Variants in AEBP2 observed in about 807,000 individuals in gnomAD.
AEBP2 encodes zinc finger protein AEBP2.
A neutral mutation model predicts 50.8 loss-of-function variants in AEBP2; 10 were observed. The observed-to-expected ratio is 0.20, with a 90% CI of 0.12 to 0.33. The LOEUF (loss-of-function observed/expected upper bound fraction) is 0.33, where lower values mean the gene tolerates loss of function less well. Ranked by LOEUF, AEBP2 falls within the 10% of genes least tolerant of loss-of-function variation. The pLI, the probability that AEBP2 is intolerant of heterozygous loss-of-function variation, is 1.00. For synonymous variants in AEBP2, 296 were observed against 261.3 expected (o/e 1.13, Z -1.28); for missense variants, 570 against 688.0 (o/e 0.83, Z 1.92).
At chr12:19,502,239 A>G (rs1949092921) in intron 5 of AEBP2, among the ~76,000 whole-genome samples, 1 of 152,012 alleles carries the variant, frequency 6.6e-6, no homozygotes, top group Admixed American at 6.6e-5. Flanking sequence ...GGTTCAAGCG[A>G]TCCCCCTCCC....
chr12:19,519,009 A>AT lies in AEBP2; in HGVS notation c.*900dup, dbSNP rs921882731. Reference sequence around the variant, plus strand: ...TTTTTCTTAATGTAAGAAAAATTGTATTTTTTTTACAAGTATCTTCAAACT... The same window carrying AT: ...TTTTTCTTAATGTAAGAAAAATTGTATTTTTTTTTACAAGTATCTTCAAACT... On this transcript the variant is annotated 3_prime_UTR_variant, in exon 8 of 8. Coordinates refer to ENST00000266508, the MANE Select transcript of AEBP2 (RefSeq NM_153207.5). 1.4e-4 allele frequency: 28 copies of AT among 196,454 alleles called. No homozygotes were observed. The highest frequency in any genetic ancestry group is 9.5e-4 in the South Asian group (5 of 5,248). 12.2% of individuals were successfully genotyped at this position (196,454 alleles called of 1,614,324 possible). A position where few individuals can be genotyped will look rare whatever the true frequency, so the allele number is the denominator to read the frequency against.
At chr12:19,473,405 A>G in intron 3 of AEBP2, 50 bp downstream of exon 3, 1 of 696,250 alleles carries the variant, frequency 1.4e-6, no homozygotes, top group Non-Finnish European at 1.9e-6. Context: ...TTATTTATTT[A>G]TTTATTTATT....
At chr12:19,455,491 T>A (rs1422924837) in intron 1 of AEBP2, among the ~76,000 whole-genome samples, 1 of 152,188 alleles carries the variant, frequency 6.6e-6, no homozygotes, top group Non-Finnish European at 1.5e-5. Context: ...TATTGCTTCC[T>A]ATGCTCATGC....
At chr12:19,495,878 T>C (rs1321005263) in intron 4 of AEBP2, among the ~76,000 whole-genome samples, 1 of 152,206 alleles carries the variant, frequency 6.6e-6, no homozygotes, top group Non-Finnish European at 1.5e-5. Context: ...TCATGTTTAA[T>C]TTTAATCAAC....
chr12:19,439,103 T>TA (rs1947892908), upstream of AEBP2, among the ~76,000 whole-genome samples: 1 of 152,212 alleles, frequency 6.6e-6, no homozygotes, highest in Admixed American at 6.5e-5. Context: ...GTGTTGCGCA[T>TA]AAAAATTTAG....
intron 1 of AEBP2, among the ~76,000 whole-genome samples, chr12:19,442,416 A>AC (rs1462849488): frequency 6.6e-6 from 1 of 152,136 alleles, no homozygotes; most frequent in Non-Finnish European, 1.5e-5. Context: ...TCAAAAAAAA[A>AC]CCAAGTGATA....
intron 1 of AEBP2, among the ~76,000 whole-genome samples, chr12:19,429,863 C>G (rs1190308200): frequency 2.6e-5 from 4 of 151,302 alleles, no homozygotes; most frequent in East Asian, 1.9e-4. Context: ...GTTCATTGTA[C>G]ATTCTGAATA....
chr12:19,516,610 T>C (rs531471120), intron 7 of AEBP2, among the ~76,000 whole-genome samples: 1 of 152,358 alleles, frequency 6.6e-6, no homozygotes, highest in Admixed American at 6.5e-5. Context: ...AGGAACAATG[T>C]TGCATATACT....
Position 19,514,903 on chromosome 12 carries a change from A to T in AEBP2, c.1481+119A>T, listed in dbSNP as rs75735016. On this transcript the variant is annotated intron_variant, in intron 7 of 7. Transcript: ENST00000266508. ...ATTTTAATACCAAGCATATCTCATT[A>T]CTTCCTGGCTTTTTTTTTTTTGGAT... 446 of 699,324 alleles carry T rather than the reference A, an allele frequency of 6.4e-4. 1 individual carries two copies. The highest frequency in any genetic ancestry group is 3.4e-3 in the East Asian group (116 of 34,070). The allele number at this position is 699,324 out of a possible 1,614,324, so 43.3% of individuals were successfully genotyped here.
intron 3 of AEBP2, among the ~76,000 whole-genome samples, chr12:19,481,977 G>T (rs371228257): frequency 6.6e-6 from 1 of 152,130 alleles, no homozygotes. Flanking sequence ...TGGAAATTCA[G>T]AAATTTATTC....
chr12:19,512,421 T>C lies in AEBP2; in HGVS notation c.1323T>C (p.Asp441=), dbSNP rs1237341886. Residue 441 remains aspartate (D), a synonymous_variant, in exon 6 of 8, where the codon GAT becomes GAC. Transcript: ENST00000266508. ...AGGTAATAGCTAAGAGAAAAGAAGA[T>C]TCTGGGAAGATCAAACTTTTGCTTC... is the stretch of plus-strand genomic sequence containing the variant. ...HSTVIAKRKE[D]SGKIKLLLHW... The C allele has an allele frequency of 6.3e-7, 1 of 1,577,542 alleles. No homozygotes were observed. The highest frequency in any genetic ancestry group is 2.3e-5 in the East Asian group (1 of 44,148).
intron 3 of AEBP2, among the ~76,000 whole-genome samples, chr12:19,476,012 G>T (rs2153372911): frequency 6.6e-6 from 1 of 152,206 alleles, no homozygotes; most frequent in Non-Finnish European, 1.5e-5. Flanking sequence ...TTTATGTGCA[G>T]AAGCTGATAA....
At chr12:19,514,636 G>C (rs1171288642) in intron 6 of AEBP2, 35 bp from the exon 7 acceptor site, 2 of 1,472,392 alleles carry the variant, frequency 1.4e-6, no homozygotes, top group Non-Finnish European at 1.9e-6. Context: ...TAAAATTAAT[G>C]TTACTTTATT....
intron 2 of AEBP2, among the ~76,000 whole-genome samples, chr12:19,463,921 C>G (rs1330430453): frequency 1.3e-5 from 2 of 152,162 alleles, no homozygotes; most frequent in African/African-American, 2.4e-5. Flanking sequence ...CCACCTCGGC[C>G]TCCCAGAGTG....
rs1223476026 is a variant in AEBP2 at position 19,439,652 on chromosome 12, G to C, written c.-48G>C. ...GGGCGAGGGAGAGAGAGTCGAGAGA[G>C]GGAGGCGGCGGTGGGGAGGAGGAGG... On this transcript the variant is annotated 5_prime_UTR_variant, in exon 1 of 8. Transcript: ENST00000266508. The C allele has an allele frequency of 6.7e-7, 1 of 1,490,816 alleles. No homozygotes were observed. The highest frequency in any genetic ancestry group is 2.1e-5 in the Admixed American group (1 of 47,530). 92.3% of individuals were successfully genotyped at this position (1,490,816 alleles called of 1,614,324 possible). A position where few individuals can be genotyped will look rare whatever the true frequency, so the allele number is the denominator to read the frequency against.
chr12:19,465,087 A>G (rs539287352), intron 2 of AEBP2, among the ~76,000 whole-genome samples: 4 of 152,182 alleles, frequency 2.6e-5, no homozygotes, highest in African/African-American at 7.2e-5. Flanking sequence ...AAGATTCTCT[A>G]GCTGATTTTA....
At chr12:19,482,695 C>A (rs1405666675) in intron 3 of AEBP2, among the ~76,000 whole-genome samples, 6 of 152,082 alleles carry the variant, frequency 3.9e-5, no homozygotes, top group Admixed American at 2.0e-4. Context: ...TAGAGAAATA[C>A]CATCAGGTGG....
Position 19,519,001 on chromosome 12 carries a change from A to G in AEBP2, c.*884A>G. 1 of 210,372 alleles carries G rather than the reference A, an allele frequency of 4.8e-6. No homozygotes were observed. The highest frequency in any genetic ancestry group is 9.4e-6 in the Non-Finnish European group (1 of 106,460). 13.0% of individuals were successfully genotyped at this position (210,372 alleles called of 1,614,324 possible). ...TGAGTTGTTTTTTCTTAATGTAAGA[A>G]AAATTGTATTTTTTTTACAAGTATC... On this transcript the variant is annotated 3_prime_UTR_variant, in exon 8 of 8. Coordinates refer to ENST00000266508, the MANE Select transcript of AEBP2 (RefSeq NM_153207.5).
At chr12:19,430,789 G>T (rs1253842278) in intron 1 of AEBP2, among the ~76,000 whole-genome samples, 1 of 152,068 alleles carries the variant, frequency 6.6e-6, no homozygotes, top group African/African-American at 2.4e-5. Context: ...GTGTGTTATT[G>T]GTGTATAAGA....
Sources: gnomAD v4.1 joint callset for allele counts (sites outside exome capture counted in the v4.1 genomes callset) on GRCh38, gnomAD v4.1.1 for gene constraint, MANE v1.5 for transcripts, NCBI Gene and HGNC (gene_info 2026-07-23, HGNC 2026-07-21) for gene names.